The following WWC2 variants were observed in gnomAD, a reference collection of about 807,000 sequenced individuals.
The protein encoded by WWC2 is protein WWC2.
A neutral mutation model predicts 138.5 loss-of-function variants in WWC2; 101 were observed. That is an observed-to-expected ratio of 0.73 (90% CI 0.62 to 0.86). The LOEUF (loss-of-function observed/expected upper bound fraction) is 0.86, where lower values mean the gene tolerates loss of function less well. WWC2 is among the 40% of genes least tolerant of loss of function. The pLI is 0.00. For missense variants in WWC2, 1,420 were observed against 1,419.4 expected (o/e 1.00, Z -0.01); for synonymous variants, 558 against 538.4 (o/e 1.04, Z -0.50).
chr4:183,189,322 A>C (rs1158726760), intron 1 of WWC2, among the ~76,000 whole-genome samples: 1 of 151,772 alleles, frequency 6.6e-6, no homozygotes, highest in Non-Finnish European at 1.5e-5. Flanking sequence ...CTGCAATCCC[A>C]GCTACTCGAG....
chr4:183,264,487 A>G (rs1275611069), intron 11 of WWC2, among the ~76,000 whole-genome samples: 1 of 152,146 alleles, frequency 6.6e-6, no homozygotes, highest in East Asian at 1.9e-4. Flanking sequence ...AGTCAAAGAC[A>G]TTTTTTCTTT....
At chr4:183,179,529 A>G (rs1219394543) in intron 1 of WWC2, among the ~76,000 whole-genome samples, 2 of 151,960 alleles carry the variant, frequency 1.3e-5, no homozygotes, top group African/African-American at 4.8e-5. Context: ...AGTTGTAAAT[A>G]GGGCTGTGTT....
intron 14 of WWC2, among the ~76,000 whole-genome samples, chr4:183,268,542 T>C (rs1737582553): frequency 6.6e-6 from 1 of 152,200 alleles, no homozygotes; most frequent in Non-Finnish European, 1.5e-5. Flanking sequence ...CATCAGCATC[T>C]CTTGTTTAAT....
chr4:183,307,887 C>A (rs545844832), intron 21 of WWC2, among the ~76,000 whole-genome samples: 1 of 152,298 alleles, frequency 6.6e-6, no homozygotes, highest in East Asian at 1.9e-4. Flanking sequence ...AAAAAGGTAT[C>A]CCGCTTGGGA....
rs34320402 is a variant in WWC2, at chr4:183,155,221, A to AGTGAGT, written c.132-38377_132-38376insTGAGTG. ...GAGAGAGAGAGAGAGAGAGAGAGAG[A>AGTGAGT]GAGTTAGTTGACGTGGTGAGGACAG... On this transcript the variant is annotated intron_variant, in intron 1 of 22. Transcript: ENST00000403733. Among the ~76,000 whole-genome samples the AGTGAGT allele has an allele frequency of 3.7e-5, 5 of 135,282 alleles. No individual in the cohort carries two copies. The East Asian group carries it at 6.4e-4, about 17-fold the overall frequency. 88.8% of individuals were successfully genotyped at this position (135,282 alleles called of 152,430 possible).
At position 183,164,005 on chromosome 4, in the gene WWC2, T is replaced by G. The variant is rs553938129; in HGVS notation, c.132-29594T>G. The stretch of plus-strand genomic sequence containing the variant: ...CTTGAATTACTGTATTCAGTTGGGA[T>G]TGACTCAATTTAACAAAATGGTACT... On this transcript the variant is annotated intron_variant, in intron 1 of 22. Transcript: ENST00000403733. Among the ~76,000 whole-genome samples, 9 of 152,102 alleles carry G rather than the reference T, an allele frequency of 5.9e-5. No individual in the cohort carries two copies. In the South Asian group the frequency reaches 1.9e-3, roughly 32 times the overall value.
intron 4 of WWC2, among the ~76,000 whole-genome samples, chr4:183,234,624 A>G (rs985868600): frequency 3.3e-5 from 5 of 152,216 alleles, no homozygotes; most frequent in Admixed American, 2.6e-4. Flanking sequence ...AGACTGTGAT[A>G]GCAGGGTAAC....
At chr4:183,123,032 AG>A in intron 1 of WWC2, among the ~76,000 whole-genome samples, 1 of 152,294 alleles carries the variant, frequency 6.6e-6, no homozygotes, top group South Asian at 2.1e-4. Flanking sequence ...AGGTATGGAG[AG>A]GATGTAGGGA....
At chr4:183,206,760 C>A (rs1257688226) in intron 2 of WWC2, among the ~76,000 whole-genome samples, 2 of 152,212 alleles carry the variant, frequency 1.3e-5, no homozygotes, top group Non-Finnish European at 2.9e-5. Flanking sequence ...CTGCACTAAC[C>A]ATCACCAAAA....
rs1258505039 is a variant in WWC2, at chr4:183,269,066, A to G, written c.2303A>G (p.Asp768Gly). The G allele has an allele frequency of 6.2e-7, 1 of 1,613,768 alleles. No homozygotes were observed. Among genetic ancestry groups the G allele is most frequent in the African/African-American group, 1.3e-5 (1 of 74,896 alleles). ...CCCACAGAATCCATTTTATTCAATG[A>G]TGTGTTCAGAGTCGCCATTTCCCAA... ...HPPTESILFN[D>G]VFRVAISQTA... Residue 768 changes from aspartate to glycine, a missense_variant, in exon 15 of 23, where the codon GAT becomes GGT. Coordinates refer to ENST00000403733, the MANE Select transcript of WWC2 (RefSeq NM_024949.6).
chr4:183,249,544 T>C (rs1346469094), intron 7 of WWC2, among the ~76,000 whole-genome samples: 1 of 152,206 alleles, frequency 6.6e-6, no homozygotes, highest in Non-Finnish European at 1.5e-5. Flanking sequence ...GAAAGCTAAA[T>C]GCTAGAAATT....
At chr4:183,295,393 C>T (rs2111088160) in intron 21 of WWC2, among the ~76,000 whole-genome samples, 1 of 152,258 alleles carries the variant, frequency 6.6e-6, no homozygotes, top group Non-Finnish European at 1.5e-5. Flanking sequence ...GAGGATTTCA[C>T]CCTGGGGCTT....
intron 1 of WWC2, among the ~76,000 whole-genome samples, chr4:183,132,516 C>G (rs191394135): frequency 6.6e-6 from 1 of 150,914 alleles, no homozygotes; most frequent in South Asian, 2.1e-4. Flanking sequence ...TGCTGTGGCG[C>G]GATCTCAGCT....
intron 1 of WWC2, among the ~76,000 whole-genome samples, chr4:183,140,352 AT>A (rs1733264909): frequency 6.6e-6 from 1 of 151,936 alleles, no homozygotes; most frequent in Non-Finnish European, 1.5e-5. Context: ...AAGAGTGGAG[AT>A]TCCTGTGGTG....
At chr4:183,259,448 C>T (rs1737253152) in intron 9 of WWC2, among the ~76,000 whole-genome samples, 191 bp from the exon 10 acceptor site, 1 of 152,194 alleles carries the variant, frequency 6.6e-6, no homozygotes, top group Non-Finnish European at 1.5e-5. Context: ...ATAACGCTCC[C>T]TCCCCATCCT....
At chr4:183,215,287 A>G (rs1237675135) in intron 4 of WWC2, among the ~76,000 whole-genome samples, 3 of 152,236 alleles carry the variant, frequency 2.0e-5, no homozygotes, top group African/African-American at 7.2e-5. Context: ...ATAGTCATCT[A>G]TTTTTGGACC....
intron 21 of WWC2, among the ~76,000 whole-genome samples, chr4:183,294,131 G>A (rs1474339348): frequency 6.6e-6 from 1 of 152,108 alleles, no homozygotes; most frequent in African/African-American, 2.4e-5. Context: ...AATAAATGAT[G>A]TATTTGCATT....
chr4:183,198,294 C>A (rs1580049518), intron 2 of WWC2, among the ~76,000 whole-genome samples: 1 of 152,132 alleles, frequency 6.6e-6, no homozygotes, highest in African/African-American at 2.4e-5. Flanking sequence ...GTTCATACAA[C>A]CCAGAGTTAA....
At chr4:183,174,041 A>G (rs866781964) in intron 1 of WWC2, among the ~76,000 whole-genome samples, 6 of 152,274 alleles carry the variant, frequency 3.9e-5, no homozygotes, top group South Asian at 2.1e-4. Flanking sequence ...AAACCCTCCA[A>G]TTCTTCGGCC....
Sources: allele counts gnomAD v4.1 joint callset (sites outside exome capture counted in the v4.1 genomes callset), GRCh38; gene constraint gnomAD v4.1.1; transcripts MANE v1.5; gene names NCBI Gene and HGNC (gene_info 2026-07-23, HGNC 2026-07-21).